The following ST8SIA6 variants were observed in gnomAD, a reference collection of about 807,000 sequenced individuals.
ST8SIA6 encodes ST8 alpha-N-acetyl-neuraminide alpha-2,8-sialyltransferase 6, also known as alpha-2,8-sialyltransferase 8F.
A neutral mutation model predicts 33.6 loss-of-function variants in ST8SIA6; 39 were observed. The ratio of observed to expected loss-of-function variants is 1.16; its 90% CI spans 0.90 to 1.52. The LOEUF (loss-of-function observed/expected upper bound fraction) is 1.52. ST8SIA6 is among the 40% of genes most tolerant of loss of function. The pLI is 0.00. For missense variants in ST8SIA6, 441 were observed against 443.8 expected, an observed-to-expected ratio of 0.99 and a Z score of 0.06; for synonymous variants, 172 against 167.2, an observed-to-expected ratio of 1.03 and a Z score of -0.22.
intron 2 of ST8SIA6, among the ~76,000 whole-genome samples, chr10:17,440,152 A>G (rs1852422112): frequency 6.6e-6 from 1 of 152,002 alleles, no homozygotes; most frequent in Non-Finnish European, 1.5e-5. Context: ...GCAAAGGGAT[A>G]CTGATTTTTA....
At position 17,437,604 on chromosome 10, in the gene ST8SIA6, C is replaced by T. The variant is rs145178478; in HGVS notation, c.200+15955G>A. Among the ~76,000 whole-genome samples, 330 of 144,108 alleles carry T rather than the reference C, an allele frequency of 2.3e-3. 3 individuals are homozygous for T. Among genetic ancestry groups the T allele is most frequent in the African/African-American group, 8.3e-3 (317 of 38,060 alleles). The allele number at this position is 144,108 out of a possible 152,430, so 94.5% of individuals were successfully genotyped here. The stretch of plus-strand genomic sequence containing the variant: ...GTACCCACATTCAGGCCCCTTGGAC[C>T]CCCTGTTTCCTTCCTTCCTTCCTTC... On this transcript the variant is annotated intron_variant, in intron 2 of 7. Transcript: ENST00000377602.
intron 3 of ST8SIA6, among the ~76,000 whole-genome samples, chr10:17,387,551 G>A (rs1446650993): frequency 4.6e-5 from 7 of 151,906 alleles, no homozygotes; most frequent in Admixed American, 4.6e-4. Flanking sequence ...ACAGGTGTGA[G>A]CCACCGCGCC....
intron 4 of ST8SIA6, among the ~76,000 whole-genome samples, chr10:17,334,217 G>C (rs11254536): frequency 6.6e-6 from 1 of 152,004 alleles, no homozygotes; most frequent in East Asian, 1.9e-4. Context: ...CAAAAAATGA[G>C]AGGATTCATT....
At chr10:17,450,087 G>A (rs1020665672) in intron 2 of ST8SIA6, among the ~76,000 whole-genome samples, 2 of 152,166 alleles carry the variant, frequency 1.3e-5, no homozygotes, top group Admixed American at 6.5e-5. Flanking sequence ...AGAGGTGGCT[G>A]TGGAGCTAGC....
chr10:17,434,274 A>T (rs554939351), intron 2 of ST8SIA6, among the ~76,000 whole-genome samples: 2 of 152,144 alleles, frequency 1.3e-5, no homozygotes, highest in Non-Finnish European at 2.9e-5. Flanking sequence ...AGATTCAACA[A>T]TTGACGTGCT....
At chr10:17,370,152 T>C (rs1849686506) in intron 3 of ST8SIA6, among the ~76,000 whole-genome samples, 2 of 152,152 alleles carry the variant, frequency 1.3e-5, no homozygotes, top group Admixed American at 1.3e-4. Context: ...GGCTAATTTT[T>C]TTTTGTATTT....
At chr10:17,440,819 A>G (rs1348248969) in intron 2 of ST8SIA6, among the ~76,000 whole-genome samples, 2 of 152,140 alleles carry the variant, frequency 1.3e-5, no homozygotes, top group Non-Finnish European at 1.5e-5. Context: ...ATGGAGTTGT[A>G]TCTTATTGGG....
chr10:17,444,286 A>T (rs905987406), intron 2 of ST8SIA6, among the ~76,000 whole-genome samples: 1 of 152,216 alleles, frequency 6.6e-6, no homozygotes, highest in East Asian at 1.9e-4. Flanking sequence ...CTTTGCTTTG[A>T]CATATGTGTG....
At chr10:17,423,359 AT>A (rs1851838556) in intron 2 of ST8SIA6, among the ~76,000 whole-genome samples, 1 of 151,992 alleles carries the variant, frequency 6.6e-6, no homozygotes, top group African/African-American at 2.4e-5. Context: ...GTAGCATCTT[AT>A]TTTCATTTCC....
At chr10:17,425,389 T>C (rs537607018) in intron 2 of ST8SIA6, among the ~76,000 whole-genome samples, 173 of 152,040 alleles carry the variant, frequency 1.1e-3, no homozygotes, top group African/African-American at 2.1e-3. Context: ...ACCAACGTGA[T>C]GAAACCCCGT....
intron 4 of ST8SIA6, among the ~76,000 whole-genome samples, chr10:17,337,058 A>C (rs548439749): frequency 6.6e-6 from 1 of 152,268 alleles, no homozygotes; most frequent in East Asian, 1.9e-4. Flanking sequence ...TGACTGGATC[A>C]TGGGGGTGGA....
At chr10:17,391,965 C>A (rs1228144410) in intron 2 of ST8SIA6, among the ~76,000 whole-genome samples, 3 of 152,102 alleles carry the variant, frequency 2.0e-5, no homozygotes, top group African/African-American at 7.2e-5. Context: ...AAAAAAAAAT[C>A]AACTATCTCT....
chr10:17,415,865 A>G (rs1426221330), intron 2 of ST8SIA6, among the ~76,000 whole-genome samples: 1 of 136,868 alleles, frequency 7.3e-6, no homozygotes, highest in Non-Finnish European at 1.5e-5. Context: ...GCTGGAGTGC[A>G]GTGGCATGAT....
At chr10:17,403,989 C>T (rs949074422) in intron 2 of ST8SIA6, among the ~76,000 whole-genome samples, 7 of 148,310 alleles carry the variant, frequency 4.7e-5, no homozygotes, top group Admixed American at 2.7e-4. Flanking sequence ...CGCTTGAACC[C>T]GGGAGGCAGA....
chr10:17,354,620 A>C (rs562772107), intron 4 of ST8SIA6, among the ~76,000 whole-genome samples: 1 of 152,276 alleles, frequency 6.6e-6, no homozygotes, highest in South Asian at 2.1e-4. Flanking sequence ...TCATAGCGGA[A>C]ACTTAGAATC....
chr10:17,436,087 C>T (rs2131727683), intron 2 of ST8SIA6, among the ~76,000 whole-genome samples: 1 of 152,308 alleles, frequency 6.6e-6, no homozygotes, highest in South Asian at 2.1e-4. Flanking sequence ...CCTGCTGCGA[C>T]TCTAAGACTA....
intron 4 of ST8SIA6, among the ~76,000 whole-genome samples, chr10:17,352,435 G>T (rs2131609826): frequency 6.6e-6 from 1 of 152,256 alleles, no homozygotes; most frequent in Non-Finnish European, 1.5e-5. Flanking sequence ...AAGGAACAAT[G>T]TTAAAACACT....
rs187426177 is a variant in ST8SIA6, at chr10:17,381,624, C to T, written c.290+8907G>A. On this transcript the variant is annotated intron_variant, in intron 3 of 7. Transcript: ENST00000377602. ...ATAAGTGTCTTAAGAATTGCCAGCA[C>T]ACATTTTTGTTTGCATTTATTAATC... is the stretch of plus-strand genomic sequence containing the variant. 1.1e-4 allele frequency among the ~76,000 whole-genome samples: 16 copies of T among 152,246 alleles called. No individual in the cohort carries two copies. In the South Asian group the frequency reaches 1.2e-3, roughly 12 times the overall value.
chr10:17,400,168 G>T (rs768979823), intron 2 of ST8SIA6, among the ~76,000 whole-genome samples: 1 of 152,078 alleles, frequency 6.6e-6, no homozygotes, highest in Admixed American at 6.6e-5. Context: ...GAATTATTTT[G>T]CATTGCTATC....
Sources: allele counts gnomAD v4.1 joint callset (sites outside exome capture counted in the v4.1 genomes callset), GRCh38; gene constraint gnomAD v4.1.1; transcripts MANE v1.5; gene names NCBI Gene and HGNC (gene_info 2026-07-23, HGNC 2026-07-21).